Variants in ZNF638 observed in about 807,000 individuals in gnomAD.
ZNF638 encodes the protein CTCL tumor antigen se33-1.
Under a neutral mutation model 195.6 loss-of-function variants are expected in ZNF638, and 46 were observed. The observed-to-expected ratio is 0.24, with a 90% CI of 0.19 to 0.30. The LOEUF is 0.30. Among genes scored for constraint, ZNF638 ranks in the 10% least tolerant of loss-of-function variants. The pLI is 1.00. For missense variants in ZNF638, 2,440 were observed against 2,325.3 expected (o/e 1.05, Z -1.01); for synonymous variants, 845 against 772.0 (o/e 1.09, Z -1.57).
intron 6 of ZNF638, among the ~76,000 whole-genome samples, chr2:71,367,792 A>G (rs1213317440): frequency 6.7e-6 from 1 of 149,762 alleles, no homozygotes; most frequent in Non-Finnish European, 1.5e-5. Context: ...CCTGGTCTTA[A>G]ACTCCTGGCC....
intron 8 of ZNF638, among the ~76,000 whole-genome samples, chr2:71,371,131 T>A (rs1303263596): frequency 1.3e-5 from 2 of 152,200 alleles, no homozygotes; most frequent in African/African-American, 4.8e-5. Context: ...TCACTTAATA[T>A]AATGACTTCC....
At position 71,395,505 on chromosome 2, in the gene ZNF638, G is replaced by A. The variant is rs568572733; in HGVS notation, c.2378-636G>A. The A allele has an allele frequency of 3.5e-5, 21 of 605,570 alleles. No individual in the cohort carries two copies. In the East Asian group the frequency reaches 5.5e-4, roughly 16 times the overall value. The allele number at this position is 605,570 out of a possible 1,614,324, so 37.5% of individuals were successfully genotyped here. On this transcript the variant is annotated intron_variant, in intron 10 of 27. Transcript: ENST00000264447. ...CCCTGACGCTAAGGGCAAGAAGTAG[G>A]TAACAAAGGAGTGTAAAGGAATTTA...
At chr2:71,392,075 A>G (rs1008815147) in intron 10 of ZNF638, among the ~76,000 whole-genome samples, 2 of 152,230 alleles carry the variant, frequency 1.3e-5, no homozygotes, top group Non-Finnish European at 2.9e-5. Flanking sequence ...AGACGATGCA[A>G]TCTGTGGCTG....
chr2:71,354,017 G>C (rs931819882), intron 2 of ZNF638, among the ~76,000 whole-genome samples: 5 of 152,172 alleles, frequency 3.3e-5, no homozygotes, highest in African/African-American at 1.2e-4. Flanking sequence ...TTTAGGATTT[G>C]TCATACCTTG....
At chr2:71,367,978 A>G (rs1481608405) in intron 6 of ZNF638, among the ~76,000 whole-genome samples, 4 of 152,162 alleles carry the variant, frequency 2.6e-5, no homozygotes, top group Admixed American at 2.0e-4. Context: ...ATTTCCAATT[A>G]TTAGAACAGA....
intron 10 of ZNF638, among the ~76,000 whole-genome samples, chr2:71,382,420 A>G (rs547943389): frequency 1.8e-3 from 280 of 152,298 alleles, no homozygotes; most frequent in Non-Finnish European, 2.9e-3. Context: ...GTGAGAAAGG[A>G]AGGGTACTTG....
At chr2:71,426,395 CT>C in intron 23 of ZNF638, 64 bp from the exon 24 acceptor site, 1 of 1,169,844 alleles carries the variant, frequency 8.5e-7, no homozygotes, top group South Asian at 1.5e-5. Flanking sequence ...TTTATTGTGA[CT>C]ATTTGGAATC....
At position 71,406,144 on chromosome 2, in the gene ZNF638, TTTA is replaced by T; in HGVS notation, c.3019_3021del (p.Tyr1007del). The T allele has an allele frequency of 6.2e-7, 1 of 1,613,724 alleles. No individual in the cohort carries two copies. Among genetic ancestry groups the T allele is most frequent in the Non-Finnish European group, 8.5e-7 (1 of 1,179,744 alleles). On this transcript the variant is annotated inframe_deletion, in exon 19 of 28. Transcript: ENST00000264447. ...AAACTACAGGCAAACATAGATACAA[TTTA>T]TGATCGATTTGTACATCTTGATAAT...
intron 8 of ZNF638, 38 bp from the exon 9 acceptor site, chr2:71,380,184 A>G: frequency 1.5e-6 from 2 of 1,311,800 alleles, no homozygotes; most frequent in African/African-American, 1.5e-5. Flanking sequence ...ATTGCTTTAT[A>G]CTAAATTTCT....
At position 71,363,825 on chromosome 2, in the gene ZNF638, A is replaced by T. The variant is rs1229269646; in HGVS notation, c.1419-129A>T. On this transcript the variant is annotated intron_variant, in intron 4 of 27. Coordinates refer to ENST00000264447, the MANE Select transcript of ZNF638 (RefSeq NM_014497.5). The stretch of plus-strand genomic sequence containing the variant: ...TCATAACAAACAGATTTTTGTTTTA[A>T]GTACATATCTTTTATGAGAGTTTGG... The T allele has an allele frequency of 2.5e-6, 3 of 1,183,162 alleles. No individual in the cohort carries two copies. The East Asian group carries it at 7.7e-5, about 30-fold the overall frequency. 73.3% of individuals were successfully genotyped at this position (1,183,162 alleles called of 1,614,324 possible). A position where few individuals can be genotyped will look rare whatever the true frequency, so the allele number is the denominator to read the frequency against.
At chr2:71,431,515 T>C (rs2080660071) in intron 26 of ZNF638, 87 bp downstream of exon 26, 4 of 1,159,564 alleles carry the variant, frequency 3.4e-6, no homozygotes, top group Non-Finnish European at 5.0e-6. Context: ...ATCCCAGCAC[T>C]TCGGGAGGCC....
intron 10 of ZNF638, among the ~76,000 whole-genome samples, chr2:71,391,441 C>G (rs1454675667): frequency 6.6e-6 from 1 of 152,192 alleles, no homozygotes; most frequent in Non-Finnish European, 1.5e-5. Flanking sequence ...TCATGTAAAT[C>G]AGGCTTTGCT....
intron 2 of ZNF638, among the ~76,000 whole-genome samples, chr2:71,350,723 A>G (rs2078925528): frequency 1.3e-5 from 2 of 151,780 alleles, no homozygotes; most frequent in Admixed American, 1.3e-4. Flanking sequence ...GATAAAGACA[A>G]TTAATGTTGA....
At chr2:71,424,561 G>GTT (rs150899421) in intron 22 of ZNF638, 89 bp from the exon 23 acceptor site, 337 of 1,021,152 alleles carry the variant, frequency 3.3e-4, no homozygotes, top group Middle Eastern at 1.3e-3. Context: ...AATGTTTACT[G>GTT]TTTTTTTTTG....
intron 17 of ZNF638, 139 bp from the exon 18 acceptor site, chr2:71,405,462 A>C (rs1446936104): frequency 5.2e-6 from 3 of 577,378 alleles, no homozygotes; most frequent in East Asian, 3.4e-5. Context: ...AAAGAATGTA[A>C]ATCTTGCTGC....
At chr2:71,365,808 C>A in intron 6 of ZNF638, 102 bp downstream of exon 6, 1 of 1,146,770 alleles carries the variant, frequency 8.7e-7, no homozygotes, top group South Asian at 1.7e-5. Flanking sequence ...CAGCCTCGAT[C>A]TCCTGGGCTC....
In ZNF638 at chr2:71,423,549, G is replaced by T. The variant is rs774379692; in HGVS notation, c.4035G>T (p.Lys1345Asn). The change falls in exon 22 of 28, where the codon AAG becomes AAT. Residue 1345 changes from lysine (K) to asparagine (N), a missense_variant. By Grantham distance (94) the Lys-to-Asn change is moderately conservative. This residue lies in a region of ZNF638 where 1,883 missense variants were observed against 1,739.1 expected (regional missense o/e 1.08). Coordinates refer to ENST00000264447, the MANE Select transcript of ZNF638 (RefSeq NM_014497.5). ...EGRMDAEKVE[K>N]MAAMKEKPAE... ...GGATGGATGCAGAAAAGGTGGAAAA[G>T]ATGGCAGCAATGAAAGAAAAGCCTG... 2 of 1,613,956 alleles carry T rather than the reference G, an allele frequency of 1.2e-6. No homozygotes were observed. Among genetic ancestry groups the T allele is most frequent in the Non-Finnish European group, 1.7e-6 (2 of 1,180,024 alleles).
At position 71,399,639 on chromosome 2, in the gene ZNF638, A is replaced by T; in HGVS notation, c.2581A>T (p.Ile861Leu). The T allele has an allele frequency of 6.2e-7, 1 of 1,609,254 alleles. No homozygotes were observed. The highest frequency in any genetic ancestry group is 8.5e-7 in the Non-Finnish European group (1 of 1,177,636). ...KNKDSNKPVT[I>L]PENSEIKTSI... is the part of the protein sequence containing the mutation. ...CAAAGACTCTAACAAACCTGTGACT[A>T]TACCAGGTAAGCTTGAAATGTGGTC... The change falls in exon 13 of 28, where the codon ATA (isoleucine) becomes TTA (leucine). Residue 861 changes from isoleucine (I) to leucine (L), a missense_variant. Physicochemically the swap from Ile to Leu is conservative, Grantham distance 5 (BLOSUM62 2). Transcript: ENST00000264447.
intron 23 of ZNF638, among the ~76,000 whole-genome samples, chr2:71,425,487 G>T (rs1388097961): frequency 6.6e-6 from 1 of 152,052 alleles, no homozygotes; most frequent in African/African-American, 2.4e-5. Flanking sequence ...TATAATAGCA[G>T]TTAATCATTA....
Sources: allele counts gnomAD v4.1 joint callset (sites outside exome capture counted in the v4.1 genomes callset), GRCh38; gene constraint gnomAD v4.1.1; regional missense constraint gnomAD v4.1.1; transcripts MANE v1.5; gene names NCBI Gene and HGNC (gene_info 2026-07-23, HGNC 2026-07-21).